The following DMBT1 variants were observed in gnomAD, a reference collection of about 807,000 sequenced individuals.
The protein encoded by DMBT1 is scavenger receptor cysteine-rich domain-containing protein DMBT1.
In DMBT1, 198 loss-of-function variants were observed where a neutral mutation model predicts 252.9. The ratio of observed to expected loss-of-function variants is 0.78; its 90% CI spans 0.70 to 0.88. The LOEUF is 0.88. Ranked by LOEUF, DMBT1 falls within the 40% of genes least tolerant of loss-of-function variation. The probability of loss-of-function intolerance (pLI) is 0.00; values close to 1 mark genes in which losing one functional copy is unlikely to be tolerated. For missense variants in DMBT1, 2,432 were observed against 2,404.7 expected, an observed-to-expected ratio of 1.01 and a Z score of -0.24; for synonymous variants, 990 against 942.7, an observed-to-expected ratio of 1.05 and a Z score of -0.92.
In DMBT1 at chr10:122,573,641, C is replaced by A. The variant is rs1054055255; in HGVS notation, c.236-74C>A. ...TGTGCTTCCAGCCCTTGCTTCAGAGCTGAGCAAGCCCTGGACCAACCCTCC... is the reference window on the plus strand; with the variant it reads ...TGTGCTTCCAGCCCTTGCTTCAGAGATGAGCAAGCCCTGGACCAACCCTCC... On this transcript the variant is annotated intron_variant, in intron 5 of 55. Transcript: ENST00000338354. 18 of 1,558,004 alleles carry A rather than the reference C, an allele frequency of 1.2e-5. 1 individual carries two copies. In the Admixed American group the frequency reaches 3.0e-4, roughly 26 times the overall value.
Position 122,586,342 on chromosome 10 carries a change from A to T in DMBT1, c.1742A>T (p.His581Leu). 6.3e-7 allele frequency: 1 copy of T among 1,588,698 alleles called. No individual in the cohort carries two copies. Among genetic ancestry groups the T allele is most frequent in the Non-Finnish European group, 8.6e-7 (1 of 1,165,828 alleles). Residue 581 changes from histidine to leucine, a missense_variant, in exon 16 of 56, where the codon CAT (histidine) becomes CTT (leucine). Around this residue, in one of 3 missense-constraint regions of DMBT1, gnomAD observed 1,264 missense variants for 1,082.2 expected, o/e 1.17. Coordinates refer to ENST00000338354, the MANE Select transcript of DMBT1 (RefSeq NM_001377530.1). Reference protein sequence around the residue: ...WSCPHNGWLSHNCGHSEDAGV... With the variant: ...WSCPHNGWLSLNCGHSEDAGV... The stretch of plus-strand genomic sequence containing the variant: ...TGCCCCCACAATGGCTGGCTCTCCC[A>T]TAACTGTGGCCATAGTGAAGACGCT...
At chr10:122,570,966 G>A in intron 4 of DMBT1, 29 bp downstream of exon 4, 1 of 1,608,296 alleles carries the variant, frequency 6.2e-7, no homozygotes, top group East Asian at 2.2e-5. Flanking sequence ...GATCCCTGTG[G>A]GCTCATTACC....
chr10:122,631,363 C>A, intron 49 of DMBT1, 82 bp downstream of exon 49: 1 of 1,533,306 alleles, frequency 6.5e-7, no homozygotes, highest in Non-Finnish European at 8.9e-7. Flanking sequence ...CTGATGGTGT[C>A]TGTGGCCCAG....
intron 3 of DMBT1, 33 bp from the exon 4 acceptor site, chr10:122,570,857 C>T: frequency 1.9e-6 from 3 of 1,608,566 alleles, no homozygotes; most frequent in Non-Finnish European, 2.6e-6. Flanking sequence ...CAAGGGCTAC[C>T]ATCAATGAGC....
intron 46 of DMBT1, among the ~76,000 whole-genome samples, chr10:122,626,838 G>T (rs2098122399): frequency 6.6e-6 from 1 of 152,190 alleles, no homozygotes; most frequent in African/African-American, 2.4e-5. Flanking sequence ...GGAGTTAGGG[G>T]AAGTTCCTTA....
intron 16 of DMBT1, 21 bp from the exon 17 acceptor site, chr10:122,588,923 G>C (rs2133577749): frequency 6.3e-7 from 1 of 1,587,138 alleles, no homozygotes; most frequent in Middle Eastern, 2.0e-4. Flanking sequence ...ATTGATGAAG[G>C]GTTCTTGTGT....
chr10:122,579,176 G>A (rs966366893), intron 9 of DMBT1, among the ~76,000 whole-genome samples: 14 of 152,188 alleles, frequency 9.2e-5, no homozygotes, highest in African/African-American at 2.4e-4. Context: ...AGCCCTGGGG[G>A]TCTCCCTAAT....
At chr10:122,599,432 A>C (rs1330991805) in intron 26 of DMBT1, among the ~76,000 whole-genome samples, 1 of 152,250 alleles carries the variant, frequency 6.6e-6, no homozygotes, top group East Asian at 1.9e-4. Context: ...CAGGACAGAC[A>C]GCAAGGCGGG....
Position 122,586,116 on chromosome 10 carries a change from C to G in DMBT1, c.1516C>G (p.Arg506Gly). ...LVNGGDRCQG[R>G]VEVLYRGSWG... is the part of the protein sequence containing the mutation. ...GAATGGAGGTGACAGGTGTCAGGGCCGAGTGGAGGTCCTATACCGAGGCTC... is the reference window on the plus strand; with the variant it reads ...GAATGGAGGTGACAGGTGTCAGGGCGGAGTGGAGGTCCTATACCGAGGCTC... The change falls in exon 16 of 56, where the codon CGA becomes GGA. Residue 506 changes from arginine to glycine, a missense_variant. This residue lies in a region of DMBT1 where 1,264 missense variants were observed against 1,082.2 expected (regional missense o/e 1.17). Transcript: ENST00000338354. 1 of 1,588,912 alleles carries G rather than the reference C, an allele frequency of 6.3e-7. No homozygotes were observed. The highest frequency in any genetic ancestry group is 8.6e-7 in the Non-Finnish European group (1 of 1,166,016).
intron 54 of DMBT1, among the ~76,000 whole-genome samples, chr10:122,639,663 G>C (rs1591621878): frequency 6.6e-6 from 1 of 152,196 alleles, no homozygotes; most frequent in Non-Finnish European, 1.5e-5. Flanking sequence ...GGGCTCAGAG[G>C]CCTGACAAAA....
At chr10:122,641,442 C>A (rs956730506) in intron 55 of DMBT1, among the ~76,000 whole-genome samples, 1 of 152,140 alleles carries the variant, frequency 6.6e-6, no homozygotes, top group Non-Finnish European at 1.5e-5. Context: ...AGATTCAATT[C>A]GACACCCTCT....
In DMBT1 at chr10:122,625,284, A is replaced by G. The variant is rs370682186; in HGVS notation, c.5616A>G (p.Gln1872=). ...EDAGVICSAT[Q]INSTTTDWWH... is the part of the protein sequence containing the mutation. ...TTCTTCTTTTCCTTGCAGCCACCCA[A>G]ATAAATTCTACTACGACAGGTGAGT... is the stretch of plus-strand genomic sequence containing the variant. Residue 1872 remains glutamine (Q), a synonymous_variant, in exon 45 of 56, where the codon CAA becomes CAG. Transcript: ENST00000338354. 95 of 1,611,296 alleles carry G rather than the reference A, an allele frequency of 5.9e-5. No individual in the cohort carries two copies. Among genetic ancestry groups the G allele is most frequent in the Middle Eastern group, 1.6e-4 (1 of 6,084 alleles).
chr10:122,634,147 A>C (rs1390623003), intron 52 of DMBT1, among the ~76,000 whole-genome samples: 1 of 152,136 alleles, frequency 6.6e-6, no homozygotes, highest in Non-Finnish European at 1.5e-5. Flanking sequence ...CAGGAAAACA[A>C]AACAAAACAA....
chr10:122,561,770 C>T (rs374976250), intron 1 of DMBT1, among the ~76,000 whole-genome samples: 1 of 151,532 alleles, frequency 6.6e-6, no homozygotes, highest in Admixed American at 6.6e-5. Flanking sequence ...CTCTCCCTGC[C>T]CCCCTCACTG....
intron 51 of DMBT1, 80 bp from the exon 52 acceptor site, chr10:122,633,111 T>C: frequency 6.5e-7 from 1 of 1,539,554 alleles, no homozygotes; most frequent in Non-Finnish European, 8.7e-7. Context: ...TTTAAAGTAA[T>C]TTAAATTTAA....
Position 122,621,231 on chromosome 10 carries a change from G to A in DMBT1, c.5459G>A (p.Gly1820Glu). Reference sequence around the variant, plus strand: ...TGTGGCTGGGCCATGTCGGCCCCAGGAAATGCCCGGTTTGGCCAGGGCTCA... The same window carrying A: ...TGTGGCTGGGCCATGTCGGCCCCAGAAAATGCCCGGTTTGGCCAGGGCTCA... ...LGCGWAMSAPGNARFGQGSGP... is the reference protein window; with the variant it reads ...LGCGWAMSAPENARFGQGSGP... Residue 1820 changes from glycine to glutamate, a missense_variant, in exon 44 of 56, where the codon GGA (glycine) becomes GAA (glutamate). Around this residue, in one of 3 missense-constraint regions of DMBT1, gnomAD observed 1,162 missense variants for 1,169.0 expected, o/e 0.99. Transcript: ENST00000338354. 1 of 1,613,850 alleles carries A rather than the reference G, an allele frequency of 6.2e-7. No individual in the cohort carries two copies. Among genetic ancestry groups the A allele is most frequent in the South Asian group, 1.1e-5 (1 of 91,068 alleles).
chr10:122,575,351 C>T (rs2097703275), intron 6 of DMBT1, among the ~76,000 whole-genome samples: 1 of 152,286 alleles, frequency 6.6e-6, no homozygotes, highest in South Asian at 2.1e-4. Flanking sequence ...CCTCCCCAAG[C>T]AGCCCTTTAG....
At chr10:122,599,737 A>G (rs1421763402) in intron 26 of DMBT1, among the ~76,000 whole-genome samples, 6 of 152,216 alleles carry the variant, frequency 3.9e-5, no homozygotes, top group Non-Finnish European at 8.8e-5. Context: ...TGAGGACGGC[A>G]CAAGGGATTT....
At chr10:122,643,055 G>A (rs927562881) in intron 55 of DMBT1, 67 bp from the exon 56 acceptor site, 26 of 1,575,506 alleles carry the variant, frequency 1.7e-5, no homozygotes, top group Non-Finnish European at 2.1e-5. Flanking sequence ...TCCTCACCTG[G>A]TACAACTGAG....
Sources: allele counts gnomAD v4.1 joint callset (sites outside exome capture counted in the v4.1 genomes callset), GRCh38; gene constraint gnomAD v4.1.1; regional missense constraint gnomAD v4.1.1; transcripts MANE v1.5; gene names NCBI Gene and HGNC (gene_info 2026-07-23, HGNC 2026-07-21).